The following PARD3B variants were observed in gnomAD, a reference collection of about 807,000 sequenced individuals.
PARD3B encodes the protein partitioning defective 3 homolog B.
In PARD3B, 103 loss-of-function variants were observed where a neutral mutation model predicts 130.2. That is an observed-to-expected ratio of 0.79 (90% confidence interval 0.67 to 0.93). The LOEUF is 0.93. Ranked by LOEUF, PARD3B falls within the 40% of genes least tolerant of loss-of-function variation. The pLI, the probability that PARD3B is intolerant of heterozygous loss-of-function variation, is 0.00. For missense variants in PARD3B, 1,609 were observed against 1,499.2 expected (o/e 1.07, Z -1.21); for synonymous variants, 583 against 553.2 (o/e 1.05, Z -0.76).
chr2:204,958,847 A>G (rs1690505805), intron 2 of PARD3B, among the ~76,000 whole-genome samples: 1 of 152,192 alleles, frequency 6.6e-6, no homozygotes, highest in South Asian at 2.1e-4. Flanking sequence ...GGATAAAAAC[A>G]GATCTGAGTC....
In PARD3B at chr2:204,906,173, C is replaced by A. The variant is rs1002070282; in HGVS notation, c.223-58979C>A. On this transcript the variant is annotated intron_variant, in intron 2 of 22. Transcript: ENST00000406610. This position sits in a 1 kb window ranked among gnomAD's most constrained non-coding sequence, Gnocchi z 4.3. The stretch of plus-strand genomic sequence containing the variant: ...CTGGGTAGCTGGTTAAATAATTTTT[C>A]TGTGACTTAAGTAATTATTTAGAAG... 6.6e-6 allele frequency among the ~76,000 whole-genome samples: 1 copy of A among 152,142 alleles called. No homozygotes were observed. Among genetic ancestry groups the A allele is most frequent in the African/African-American group, 2.4e-5 (1 of 41,428 alleles).
chr2:205,197,106 T>C (rs1461030842), intron 15 of PARD3B, among the ~76,000 whole-genome samples: 1 of 150,422 alleles, frequency 6.6e-6, no homozygotes, highest in African/African-American at 2.4e-5. Context: ...TGCACATTAA[T>C]TATAATGTTT....
At chr2:205,527,254 A>T (rs146597580) in intron 21 of PARD3B, among the ~76,000 whole-genome samples, 63 of 152,276 alleles carry the variant, frequency 4.1e-4, no homozygotes, top group Non-Finnish European at 7.1e-4. Flanking sequence ...CACTGCAGGG[A>T]GTGTGGGTTA....
intron 4 of PARD3B, among the ~76,000 whole-genome samples, chr2:205,093,176 C>T (rs942969180): frequency 6.6e-6 from 1 of 152,110 alleles, no homozygotes; most frequent in African/African-American, 2.4e-5. Context: ...TGGAGTCTAG[C>T]ATAATACTCC....
chr2:205,012,620 T>C (rs890068661), intron 3 of PARD3B, among the ~76,000 whole-genome samples: 2 of 152,244 alleles, frequency 1.3e-5, no homozygotes, highest in African/African-American at 4.8e-5. Flanking sequence ...TCTCTTGGAC[T>C]GTTGCTTAAA....
chr2:204,650,643 A>G lies in PARD3B; in HGVS notation c.121-35538A>G, dbSNP rs1266761309. On this transcript the variant is annotated intron_variant, in intron 1 of 22. Transcript: ENST00000406610. Reference sequence around the variant, plus strand: ...GCCATTTTCCTTAGCAAACTAACACAGGAACAGAAAACCAAATACTGCATG... The same window carrying G: ...GCCATTTTCCTTAGCAAACTAACACGGGAACAGAAAACCAAATACTGCATG... Among the ~76,000 whole-genome samples, 5 of 152,322 alleles carry G rather than the reference A, an allele frequency of 3.3e-5. No homozygotes were observed. The East Asian group carries it at 7.7e-4, about 24-fold the overall frequency.
At chr2:204,851,350 C>G (rs1395297372) in intron 2 of PARD3B, among the ~76,000 whole-genome samples, 1 of 152,132 alleles carries the variant, frequency 6.6e-6, no homozygotes, top group East Asian at 1.9e-4. Context: ...CACCATCATG[C>G]TAACCAAAGT....
intron 2 of PARD3B, among the ~76,000 whole-genome samples, chr2:204,834,362 A>G (rs1043439252): frequency 6.6e-6 from 1 of 152,218 alleles, no homozygotes; most frequent in Non-Finnish European, 1.5e-5. Context: ...AGTAATAAGA[A>G]TATGATTGTG....
chr2:205,386,148 G>A (rs949970154), intron 18 of PARD3B, among the ~76,000 whole-genome samples: 2 of 152,134 alleles, frequency 1.3e-5, no homozygotes, highest in African/African-American at 4.8e-5. Context: ...CTGTGAAAAT[G>A]TTACTGTTAA....
At chr2:204,915,488 C>T (rs996222850) in intron 2 of PARD3B, among the ~76,000 whole-genome samples, 1 of 151,854 alleles carries the variant, frequency 6.6e-6, no homozygotes, top group African/African-American at 2.4e-5. Context: ...CATTATTTTG[C>T]CATATAAATT....
rs183011521 is a variant in PARD3B, at chr2:204,680,117, G to T, written c.121-6064G>T. ...AATTTTTCTCTTTTTCTAGTCTCTA[G>T]AAGTATTTATATAAAAGATTGGCAT... On this transcript the variant is annotated intron_variant, in intron 1 of 22. Coordinates refer to ENST00000406610, the MANE Select transcript of PARD3B (RefSeq NM_001302769.2). Among the ~76,000 whole-genome samples, 1,400 of 151,926 alleles carry T rather than the reference G, an allele frequency of 9.2e-3. 8 individuals carry two copies. Among genetic ancestry groups the T allele is most frequent in the Non-Finnish European group, 0.015 (1,007 of 67,890 alleles).
In PARD3B at chr2:205,134,569, C is replaced by T. The variant is rs113491516; in HGVS notation, c.1434+8832C>T. Among the ~76,000 whole-genome samples, 25 of 151,816 alleles carry T rather than the reference C, an allele frequency of 1.6e-4. 1 individual carries two copies. Among genetic ancestry groups the T allele is most frequent in the African/African-American group, 5.1e-4 (21 of 41,352 alleles). ...GCTTTTAAGTAAGACTTCCACCTCA[C>T]TGAGGTAAATGCTGTACCTTCTCTC... On this transcript the variant is annotated intron_variant, in intron 10 of 22. Coordinates refer to ENST00000406610, the MANE Select transcript of PARD3B (RefSeq NM_001302769.2).
chr2:204,963,756 A>C (rs1288587544), intron 2 of PARD3B, among the ~76,000 whole-genome samples: 1 of 152,162 alleles, frequency 6.6e-6, no homozygotes, highest in Non-Finnish European at 1.5e-5. Flanking sequence ...TATCTCCAAT[A>C]AGTTCATCAG....
At chr2:204,852,853 G>A in intron 2 of PARD3B, among the ~76,000 whole-genome samples, 1 of 152,084 alleles carries the variant, frequency 6.6e-6, no homozygotes, top group African/African-American at 2.4e-5. Context: ...ATAAAATATA[G>A]TATATAATAA....
At chr2:204,703,206 T>A (rs140181240) in intron 2 of PARD3B, among the ~76,000 whole-genome samples, 477 of 152,294 alleles carry the variant, frequency 3.1e-3, no homozygotes, top group Middle Eastern at 0.01. Flanking sequence ...CAAACTCAGA[T>A]CTGTCAGTCT....
At chr2:204,604,686 G>A (rs755104767) in intron 1 of PARD3B, among the ~76,000 whole-genome samples, 1 of 152,166 alleles carries the variant, frequency 6.6e-6, no homozygotes, top group Non-Finnish European at 1.5e-5. Flanking sequence ...GAGTGGAGGG[G>A]CTGAGGATCC....
chr2:205,600,304 C>T (rs1008669518), intron 22 of PARD3B, among the ~76,000 whole-genome samples: 1 of 152,102 alleles, frequency 6.6e-6, no homozygotes, highest in Non-Finnish European at 1.5e-5. Flanking sequence ...CCAAAGAGAC[C>T]GTTGGAGGAG....
chr2:205,113,231 AT>A (rs946733637), intron 5 of PARD3B, among the ~76,000 whole-genome samples: 2 of 152,144 alleles, frequency 1.3e-5, no homozygotes, highest in African/African-American at 4.8e-5. Context: ...GTAGGAAGTT[AT>A]TTTTGTAGGT....
At chr2:205,323,390 A>G (rs2042825550) in intron 18 of PARD3B, among the ~76,000 whole-genome samples, 1 of 152,190 alleles carries the variant, frequency 6.6e-6, no homozygotes, top group East Asian at 1.9e-4. Context: ...GTGCAGTTAC[A>G]CAGTATTCAT....
Sources: allele counts gnomAD v4.1 joint callset (sites outside exome capture counted in the v4.1 genomes callset), GRCh38; gene constraint gnomAD v4.1.1; non-coding constraint Gnocchi (gnomAD v3.1); transcripts MANE v1.5; gene names NCBI Gene and HGNC (gene_info 2026-07-23, HGNC 2026-07-21).